The following GFRA1 variants were observed in gnomAD, a reference collection of about 807,000 sequenced individuals.
The protein encoded by GFRA1 is GDNF family receptor alpha 1.
In GFRA1, 16 loss-of-function variants were observed where a neutral mutation model predicts 51.6. That is an observed-to-expected ratio of 0.31 (90% CI 0.21 to 0.47). GFRA1 has a LOEUF of 0.47. Among genes scored for constraint, GFRA1 ranks in the 20% least tolerant of loss-of-function variants. GFRA1 has a pLI of 1.00. For synonymous variants in GFRA1, 270 were observed against 241.3 expected (o/e 1.12, Z -1.10); for missense variants, 530 against 594.3 (o/e 0.89, Z 1.13).
rs1843870967 is a variant in GFRA1 at position 116,270,946 on chromosome 10, A to G, written c.210T>C (p.Asp70=). 1.9e-6 allele frequency: 3 copies of G among 1,614,158 alleles called. No homozygotes were observed. The highest frequency in any genetic ancestry group is 2.5e-6 in the Non-Finnish European group (3 of 1,180,026). The change falls in exon 3 of 11, where the codon GAT becomes GAC. Residue 70 remains aspartate (D), a synonymous_variant. Transcript: ENST00000355422. ...FSLASGLEAK[D]ECRSAMEALK... ...GGGCCTCCATGGCGCTGCGGCACTC[A>G]TCCTTGGCCTCCAGGCCGGATGCCA...
At chr10:116,097,521 GA>G (rs1386792354) in intron 6 of GFRA1, among the ~76,000 whole-genome samples, 1 of 152,212 alleles carries the variant, frequency 6.6e-6, no homozygotes. Flanking sequence ...CAGCAGCCCA[GA>G]AGGGGACAGA....
chr10:116,068,532 C>T (rs1955224239), intron 9 of GFRA1, among the ~76,000 whole-genome samples: 2 of 152,178 alleles, frequency 1.3e-5, no homozygotes, highest in South Asian at 2.1e-4. Flanking sequence ...GGGCATGCTG[C>T]AGAGAGAGGG....
intron 6 of GFRA1, among the ~76,000 whole-genome samples, chr10:116,097,925 G>A (rs1956668210): frequency 6.6e-6 from 1 of 152,192 alleles, no homozygotes; most frequent in African/African-American, 2.4e-5. Context: ...GGTTTCTAAG[G>A]AAGCGCATTA....
intron 5 of GFRA1, among the ~76,000 whole-genome samples, chr10:116,145,579 T>C (rs1233459411): frequency 2.0e-5 from 3 of 152,226 alleles, no homozygotes; most frequent in East Asian, 3.9e-4. Flanking sequence ...TACAATATCA[T>C]GCAAATTACA....
At chr10:116,108,791 T>C (rs537423289) in intron 6 of GFRA1, among the ~76,000 whole-genome samples, 25 of 152,340 alleles carry the variant, frequency 1.6e-4, no homozygotes, top group Middle Eastern at 6.8e-3. Flanking sequence ...CTATTCTATA[T>C]CTTCACGTTG....
intron 5 of GFRA1, among the ~76,000 whole-genome samples, chr10:116,200,867 G>A (rs1400666979): frequency 6.6e-6 from 1 of 152,204 alleles, no homozygotes; most frequent in Admixed American, 6.5e-5. Flanking sequence ...GTTTATACCA[G>A]GATCATTCTG....
intron 4 of GFRA1, among the ~76,000 whole-genome samples, chr10:116,233,391 G>C (rs902300195): frequency 2.0e-5 from 3 of 152,058 alleles, no homozygotes; most frequent in African/African-American, 7.2e-5. Flanking sequence ...AAATGTGTAA[G>C]CATATTAAAA....
chr10:116,079,633 A>G (rs1955765080), intron 9 of GFRA1, among the ~76,000 whole-genome samples: 1 of 152,096 alleles, frequency 6.6e-6, no homozygotes. Context: ...TGGTATCCGG[A>G]CGGTAGAGGC....
chr10:116,141,050 A>G (rs912751269), intron 5 of GFRA1, among the ~76,000 whole-genome samples: 4 of 152,256 alleles, frequency 2.6e-5, no homozygotes, highest in Admixed American at 1.3e-4. Context: ...ATGTAGCCAT[A>G]AAACCTCTAG....
At chr10:116,173,884 C>A in intron 5 of GFRA1, among the ~76,000 whole-genome samples, 1 of 152,062 alleles carries the variant, frequency 6.6e-6, no homozygotes, top group East Asian at 1.9e-4. Context: ...CGATCGAGAC[C>A]AGCCTGACCA....
intron 6 of GFRA1, among the ~76,000 whole-genome samples, chr10:116,106,544 C>T (rs560964535): frequency 7.1e-6 from 1 of 140,266 alleles, no homozygotes; most frequent in East Asian, 2.2e-4. Context: ...TGGGGGCAGA[C>T]TTCTCATGAA....
At chr10:116,085,848 G>A (rs949639624) in intron 9 of GFRA1, among the ~76,000 whole-genome samples, 1 of 152,236 alleles carries the variant, frequency 6.6e-6, no homozygotes, top group Non-Finnish European at 1.5e-5. Context: ...CCAGTCTGAA[G>A]TCGGAGCTTT....
At chr10:116,091,719 G>C (rs576110636) in intron 8 of GFRA1, among the ~76,000 whole-genome samples, 14 of 152,294 alleles carry the variant, frequency 9.2e-5, no homozygotes, top group African/African-American at 3.1e-4. Flanking sequence ...ATTTGGGCTG[G>C]AATCTACAAA....
intron 4 of GFRA1, among the ~76,000 whole-genome samples, chr10:116,229,562 T>C (rs1451246275): frequency 6.6e-6 from 1 of 152,130 alleles, no homozygotes; most frequent in Non-Finnish European, 1.5e-5. Context: ...AGAATCTTAT[T>C]CCTAAGAGTG....
intron 5 of GFRA1, among the ~76,000 whole-genome samples, chr10:116,197,737 T>C (rs1414594168): frequency 6.6e-6 from 1 of 151,806 alleles, no homozygotes; most frequent in Admixed American, 6.6e-5. Flanking sequence ...GGACATGGGG[T>C]AGAGTTTCGG....
At chr10:116,227,112 CA>C (rs1418544623) in intron 4 of GFRA1, among the ~76,000 whole-genome samples, 2 of 152,182 alleles carry the variant, frequency 1.3e-5, no homozygotes, top group Non-Finnish European at 2.9e-5. Flanking sequence ...GCAAGGCAAA[CA>C]GGGCCTATAG....
At chr10:116,216,968 T>A (rs1965607590) in intron 4 of GFRA1, among the ~76,000 whole-genome samples, 1 of 152,202 alleles carries the variant, frequency 6.6e-6, no homozygotes, top group African/African-American at 2.4e-5. Context: ...TACATAGACA[T>A]GAAGAGTAAC....
chr10:116,209,804 C>G (rs1965049951), intron 5 of GFRA1, among the ~76,000 whole-genome samples: 1 of 151,934 alleles, frequency 6.6e-6, no homozygotes, highest in Admixed American at 6.6e-5. Flanking sequence ...TGGCCAGAAA[C>G]AAAGGTAAGG....
At chr10:116,174,558 A>G (rs1487456527) in intron 5 of GFRA1, among the ~76,000 whole-genome samples, 2 of 152,232 alleles carry the variant, frequency 1.3e-5, no homozygotes, top group Non-Finnish European at 2.9e-5. Context: ...TGATTCTAGA[A>G]ATCAGAATTC....
Sources: gnomAD v4.1 joint callset for allele counts (sites outside exome capture counted in the v4.1 genomes callset) on GRCh38, gnomAD v4.1.1 for gene constraint, MANE v1.5 for transcripts, NCBI Gene and HGNC (gene_info 2026-07-23, HGNC 2026-07-21) for gene names.